The following ACCS variants were observed in gnomAD, a reference collection of about 807,000 sequenced individuals.
ACCS encodes the protein 1-aminocyclopropane-1-carboxylate synthase-like protein 1.
A neutral mutation model predicts 59.8 loss-of-function variants in ACCS; 42 were observed. That is an observed-to-expected ratio of 0.70 (90% confidence interval 0.55 to 0.91). The LOEUF (loss-of-function observed/expected upper bound fraction) is 0.91. ACCS is among the 40% of genes least tolerant of loss of function. ACCS has a pLI of 0.00. For missense variants in ACCS, 602 were observed against 630.4 expected, an observed-to-expected ratio of 0.95 and a Z score of 0.48; for synonymous variants, 230 against 240.3, an observed-to-expected ratio of 0.96 and a Z score of 0.40.
rs763890448 is a variant in ACCS at position 44,081,002 on chromosome 11, A to G, written c.924-18A>G. 1 of 1,613,998 alleles carries G rather than the reference A, an allele frequency of 6.2e-7. No individual in the cohort carries two copies. Among genetic ancestry groups the G allele is most frequent in the African/African-American group, 1.3e-5 (1 of 74,890 alleles). ...ATAGTTCTGTGTTGCCTCTGTTCCC[A>G]TGCTGTGCTCTCTGCAGGCTCCCTG... On this transcript the variant is annotated intron_variant, in intron 10 of 14. Coordinates refer to ENST00000263776, the MANE Select transcript of ACCS (RefSeq NM_032592.4).
chr11:44,069,684 C>T (rs1211663470), intron 2 of ACCS, among the ~76,000 whole-genome samples: 2 of 152,204 alleles, frequency 1.3e-5, no homozygotes, highest in African/African-American at 4.8e-5. Flanking sequence ...GGCTTCAGTC[C>T]TTCTCCACGT....
rs1363241989 is a variant in ACCS at position 44,073,441 on chromosome 11, C to T, written c.349-6C>T. On this transcript the variant is annotated splice_polypyrimidine_tract_variant and splice_region_variant and intron_variant, in intron 3 of 14. Transcript: ENST00000263776. ...CTCAGCCGTGCTCTTCCCTCTCTGT[C>T]CCCAGCTGAGTCAGCGCGACATGCA... 3 of 1,605,600 alleles carry T rather than the reference C, an allele frequency of 1.9e-6. No individual in the cohort carries two copies. Among genetic ancestry groups the T allele is most frequent in the Admixed American group, 1.7e-5 (1 of 59,380 alleles).
At chr11:44,071,402 T>A in intron 3 of ACCS, 87 bp downstream of exon 3, 1 of 1,473,998 alleles carries the variant, frequency 6.8e-7, no homozygotes, top group East Asian at 2.3e-5. Context: ...GCCTGCTGCT[T>A]GGCTCAGTGG....
At chr11:44,076,996 C>T (rs1280596930) in intron 6 of ACCS, among the ~76,000 whole-genome samples, 1 of 152,124 alleles carries the variant, frequency 6.6e-6, no homozygotes, top group East Asian at 1.9e-4. Flanking sequence ...AAGACCTGCC[C>T]CCGTTACTCA....
chr11:44,073,981 C>A (rs536262377), intron 4 of ACCS, among the ~76,000 whole-genome samples: 1 of 152,240 alleles, frequency 6.6e-6, no homozygotes, highest in African/African-American at 2.4e-5. Context: ...TGAACACTTG[C>A]TTGTGGACAC....
At chr11:44,068,178 G>C (rs771080368) in intron 2 of ACCS, among the ~76,000 whole-genome samples, 2 of 152,166 alleles carry the variant, frequency 1.3e-5, no homozygotes, top group Non-Finnish European at 2.9e-5. Context: ...TCTGACCCAC[G>C]ACCTGTCGAC....
chr11:44,073,590 T>G, intron 4 of ACCS, 73 bp downstream of exon 4: 2 of 1,472,468 alleles, frequency 1.4e-6, no homozygotes, highest in Non-Finnish European at 1.8e-6. Context: ...TTTTGGTTGT[T>G]ATAACTGGGA....
rs1443172321 is a variant in ACCS at position 44,083,683 on chromosome 11, TC to T, written c.1409-8del. ...CATCAGTGCCAACTGGCCCCTCACT[TC>T]CCCTTCCCAGGGATGCAGAGGGTCC... is the stretch of plus-strand genomic sequence containing the variant. On this transcript the variant is annotated splice_polypyrimidine_tract_variant and intron_variant, in intron 14 of 14. Coordinates refer to ENST00000263776, the MANE Select transcript of ACCS (RefSeq NM_032592.4). 2 of 1,614,030 alleles carry T rather than the reference TC, an allele frequency of 1.2e-6. No individual in the cohort carries two copies. Among genetic ancestry groups the T allele is most frequent in the South Asian group, 2.2e-5 (2 of 91,074 alleles).
intron 14 of ACCS, 42 bp from the exon 15 acceptor site, chr11:44,083,653 G>A (rs554166214): frequency 8.9e-5 from 143 of 1,614,016 alleles, no homozygotes; most frequent in Non-Finnish European, 1.1e-4. Context: ...CCCCACCCAC[G>A]TGGCCATCAG....
intron 2 of ACCS, among the ~76,000 whole-genome samples, chr11:44,068,589 T>C (rs7933951): frequency 0.38 from 57,355 of 152,020 alleles, 11,963 homozygotes; most frequent in African/African-American, 0.56. Context: ...TGGGCAACGG[T>C]GTGAGACCCT....
chr11:44,073,556 A>C, intron 4 of ACCS, 39 bp downstream of exon 4: 1 of 1,554,612 alleles, frequency 6.4e-7, no homozygotes, highest in Non-Finnish European at 8.7e-7. Flanking sequence ...CCCCCTGGGG[A>C]TGTGTGGCAA....
chr11:44,067,504 G>A, intron 1 of ACCS, 124 bp from the exon 2 acceptor site: 4 of 985,082 alleles, frequency 4.1e-6, no homozygotes, highest in East Asian at 2.4e-5. Context: ...AGGAAGTGAT[G>A]AGTGCATAAA....
chr11:44,081,408 G>C lies in ACCS; in HGVS notation c.1111+88G>C. 5 of 1,553,410 alleles carry C rather than the reference G, an allele frequency of 3.2e-6. 1 individual carries two copies. The South Asian group carries it at 6.0e-5, about 19-fold the overall frequency. On this transcript the variant is annotated intron_variant, in intron 12 of 14. Transcript: ENST00000263776. ...CAGGAATCATAGATACTTCTCCTAT[G>C]AGAATAATTTAGGGTAATGTTTGAG...
At chr11:44,075,637 G>A (rs1953323088) in intron 6 of ACCS, 45 bp downstream of exon 6, 7 of 1,602,406 alleles carry the variant, frequency 4.4e-6, no homozygotes, top group Non-Finnish European at 6.0e-6. Context: ...GCCTCATTGT[G>A]CTTGCAGGGT....
chr11:44,069,098 T>C (rs34116470), intron 2 of ACCS, among the ~76,000 whole-genome samples: 2 of 152,340 alleles, frequency 1.3e-5, no homozygotes, highest in East Asian at 3.8e-4. Flanking sequence ...TGAGGGATTG[T>C]GTTAGTTATC....
chr11:44,067,181 C>G (rs140808822), intron 1 of ACCS: 2 of 156,970 alleles, frequency 1.3e-5, no homozygotes, highest in African/African-American at 4.8e-5. Flanking sequence ...TACCCGCCAT[C>G]TGCCTCAGAA....
At chr11:44,081,948 AGG>A in intron 12 of ACCS, 2 of 152,382 alleles carry the variant, frequency 1.3e-5, no homozygotes, top group South Asian at 2.1e-4. Context: ...TAAATAGCAA[AGG>A]TTACCTTTAA....
intron 5 of ACCS, 137 bp downstream of exon 5, chr11:44,074,818 T>TA (rs1227996799): frequency 3.3e-6 from 1 of 306,500 alleles, no homozygotes; most frequent in African/African-American, 3.0e-5. Context: ...TTCTCTTTTT[T>TA]TTTTTTTTAT....
At chr11:44,077,141 T>G (rs1953402689) in intron 6 of ACCS, 138 bp from the exon 7 acceptor site, 1 of 920,734 alleles carries the variant, frequency 1.1e-6, no homozygotes, top group South Asian at 1.9e-5. Flanking sequence ...CAAAGTGTTT[T>G]GGGAGTTAAG....
Sources: gnomAD v4.1 joint callset for allele counts (sites outside exome capture counted in the v4.1 genomes callset) on GRCh38, gnomAD v4.1.1 for gene constraint, MANE v1.5 for transcripts, NCBI Gene and HGNC (gene_info 2026-07-23, HGNC 2026-07-21) for gene names.